Variants in SKAP1 observed in about 807,000 individuals in gnomAD.
SKAP1 encodes src kinase-associated phosphoprotein 1.
SKAP1 carries 44 observed loss-of-function variants against 58.5 expected under a neutral mutation model. The ratio of observed to expected loss-of-function variants is 0.75; its 90% CI spans 0.59 to 0.97. The LOEUF (loss-of-function observed/expected upper bound fraction) is 0.97. Among genes scored for constraint, SKAP1 ranks in the 50% least tolerant of loss-of-function variants. The pLI is 0.00. For missense variants in SKAP1, 390 were observed against 435.2 expected (o/e 0.90, Z 0.92); for synonymous variants, 127 against 149.7 (o/e 0.85, Z 1.11).
At chr17:48,171,093 G>T (rs59743580) in intron 9 of SKAP1, among the ~76,000 whole-genome samples, 2,068 of 70,406 alleles carry the variant, frequency 0.029, 163 homozygotes, top group African/African-American at 0.11. Context: ...AATTACTGTT[G>T]TTTTTTTTTT....
chr17:48,357,456 C>T (rs2066889480), intron 3 of SKAP1, among the ~76,000 whole-genome samples: 1 of 152,026 alleles, frequency 6.6e-6, no homozygotes, highest in African/African-American at 2.4e-5. Context: ...CGGTGAAACC[C>T]TGTCTTTACT....
intron 4 of SKAP1, among the ~76,000 whole-genome samples, chr17:48,323,291 A>G (rs4451990): frequency 0.33 from 50,640 of 151,584 alleles, 9,349 homozygotes; most frequent in African/African-American, 0.47. Flanking sequence ...ATCAATCACC[A>G]GAAAGAGAAA....
intron 2 of SKAP1, among the ~76,000 whole-genome samples, chr17:48,393,131 T>C (rs1289268825): frequency 2.0e-5 from 3 of 152,066 alleles, no homozygotes; most frequent in African/African-American, 7.2e-5. Flanking sequence ...AAGGGCTCAA[T>C]GAAAACTTAG....
intron 4 of SKAP1, among the ~76,000 whole-genome samples, chr17:48,210,944 C>T (rs115870025): frequency 2.6e-5 from 4 of 152,070 alleles, no homozygotes; most frequent in East Asian, 1.9e-4. Context: ...GCCAGTGTGA[C>T]GGAAAGCCCC....
chr17:48,142,386 C>T (rs900503977), intron 11 of SKAP1, among the ~76,000 whole-genome samples: 4 of 152,062 alleles, frequency 2.6e-5, no homozygotes, highest in Admixed American at 6.6e-5. Flanking sequence ...TGCTTGAACC[C>T]GGGAGGCGGA....
At chr17:48,207,304 A>G (rs2064821672) in intron 4 of SKAP1, among the ~76,000 whole-genome samples, 1 of 152,064 alleles carries the variant, frequency 6.6e-6, no homozygotes. Flanking sequence ...TCTGGCCAAC[A>G]TGCAGAAACC....
intron 4 of SKAP1, among the ~76,000 whole-genome samples, chr17:48,338,218 T>G (rs2144296785): frequency 6.6e-6 from 1 of 151,954 alleles, no homozygotes; most frequent in African/African-American, 2.4e-5. Context: ...GGCACAATCT[T>G]GGCTCACTGC....
chr17:48,405,448 TC>T (rs1567902215), intron 1 of SKAP1, among the ~76,000 whole-genome samples: 1 of 76,630 alleles, frequency 1.3e-5, no homozygotes, highest in African/African-American at 5.5e-5. Flanking sequence ...TTTCTTTCTT[TC>T]TTTTCTTTCT....
intron 4 of SKAP1, among the ~76,000 whole-genome samples, chr17:48,289,345 T>A (rs977137967): frequency 1.3e-5 from 2 of 152,078 alleles, no homozygotes; most frequent in Admixed American, 6.5e-5. Flanking sequence ...TCCTGCCTAC[T>A]TTTTAAAAAA....
At chr17:48,210,216 G>A (rs2064855884) in intron 4 of SKAP1, among the ~76,000 whole-genome samples, 1 of 152,144 alleles carries the variant, frequency 6.6e-6, no homozygotes. Flanking sequence ...GTTATACGGA[G>A]CCATTATCAG....
chr17:48,224,029 AGAG>A (rs1488687418), intron 4 of SKAP1, among the ~76,000 whole-genome samples: 1 of 108,716 alleles, frequency 9.2e-6, no homozygotes. Flanking sequence ...AGAGAGAGAG[AGAG>A]AGAAGAAGGA....
chr17:48,212,051 G>A (rs987592294), intron 4 of SKAP1, among the ~76,000 whole-genome samples: 2 of 150,788 alleles, frequency 1.3e-5, no homozygotes, highest in Non-Finnish European at 2.9e-5. Flanking sequence ...CCAGAACTGG[G>A]GGCTAGCTAG....
chr17:48,190,178 C>T (rs891892212), intron 4 of SKAP1, among the ~76,000 whole-genome samples: 9 of 149,948 alleles, frequency 6.0e-5, no homozygotes, highest in Non-Finnish European at 1.2e-4. Flanking sequence ...GCGATCTTGG[C>T]TCACTGCAAG....
At chr17:48,435,661 T>TA in the SKAP1 span, among the ~76,000 whole-genome samples, 1 of 152,304 alleles carries the variant, frequency 6.6e-6, no homozygotes, top group Non-Finnish European at 1.5e-5. Context: ...ATTTCAAAGG[T>TA]AAAAAAATTT....
chr17:48,177,361 T>C, intron 9 of SKAP1, among the ~76,000 whole-genome samples: 1 of 152,212 alleles, frequency 6.6e-6, no homozygotes, highest in East Asian at 1.9e-4. Flanking sequence ...TTTGCCAGGG[T>C]TCTGTGCTAA....
At chr17:48,379,480 C>T (rs2067188654) in intron 2 of SKAP1, among the ~76,000 whole-genome samples, 1 of 152,162 alleles carries the variant, frequency 6.6e-6, no homozygotes, top group African/African-American at 2.4e-5. Context: ...GAATTACTGA[C>T]ATTTTCATAA....
chr17:48,406,110 C>T (rs2067579571), intron 1 of SKAP1, among the ~76,000 whole-genome samples: 1 of 151,474 alleles, frequency 6.6e-6, no homozygotes, highest in African/African-American at 2.4e-5. Flanking sequence ...ACTAAAAATA[C>T]AAAAATTAGT....
In SKAP1 at chr17:48,172,412, C is replaced by A. The variant is rs144685258; in HGVS notation, c.827-1753G>T. ...ACCGGTTTCATCTCGTCACATTACC[C>A]GATAAAATAGGAATTGGACCCTTAT... On this transcript the variant is annotated intron_variant, in intron 9 of 12. Coordinates refer to ENST00000336915, the MANE Select transcript of SKAP1 (RefSeq NM_003726.4). 4.6e-5 allele frequency among the ~76,000 whole-genome samples: 7 copies of A among 152,196 alleles called. No individual in the cohort carries two copies. In the East Asian group the frequency reaches 1.2e-3, roughly 25 times the overall value.
rs114323679 is a variant in SKAP1, at chr17:48,195,385, C to T, written c.281-5885G>A. On this transcript the variant is annotated intron_variant, in intron 4 of 12. Transcript: ENST00000336915. ...ACAGGCATATATAATTCTTTAACTT[C>T]CGTGGTTCCATTTGATATCCACCTG... is the stretch of plus-strand genomic sequence containing the variant. Among the ~76,000 whole-genome samples, 294 of 152,300 alleles carry T rather than the reference C, an allele frequency of 1.9e-3. 1 individual carries two copies. The highest frequency in any genetic ancestry group is 6.6e-3 in the African/African-American group (273 of 41,560).
Sources: allele counts gnomAD v4.1 joint callset (sites outside exome capture counted in the v4.1 genomes callset), GRCh38; gene constraint gnomAD v4.1.1; transcripts MANE v1.5; gene names NCBI Gene and HGNC (gene_info 2026-07-23, HGNC 2026-07-21).